Variants in APTX observed in about 807,000 individuals in gnomAD.
APTX encodes forkhead-associated domain histidine triad-like protein.
A neutral mutation model predicts 42.3 loss-of-function variants in APTX; 33 were observed. That is an observed-to-expected ratio of 0.78 (90% CI 0.59 to 1.04). The LOEUF (loss-of-function observed/expected upper bound fraction) is 1.04, where lower values mean the gene tolerates loss of function less well. APTX is among the 50% of genes least tolerant of loss of function. The pLI, the probability that APTX is intolerant of heterozygous loss-of-function variation, is 0.00. For synonymous variants in APTX, 130 were observed against 146.7 expected (o/e 0.89, Z 0.82); for missense variants, 421 against 415.1 (o/e 1.01, Z -0.12).
chr9:32,989,712 C>CT (rs1257476792), intron 2 of APTX, 47 bp downstream of exon 2: 1 of 1,612,864 alleles, frequency 6.2e-7, no homozygotes, highest in Non-Finnish European at 8.5e-7. Flanking sequence ...TTGGTTATCA[C>CT]TATCCCACAT....
At chr9:33,024,460 G>C (rs929396838) in intron 1 of APTX, among the ~76,000 whole-genome samples, 2 of 152,180 alleles carry the variant, frequency 1.3e-5, no homozygotes, top group African/African-American at 4.8e-5. Flanking sequence ...TCCCTGACCC[G>C]TAGGATTTAA....
intron 6 of APTX, among the ~76,000 whole-genome samples, chr9:32,983,640 TA>T (rs899863047): frequency 1.3e-5 from 2 of 150,998 alleles, no homozygotes; most frequent in African/African-American, 4.9e-5. Context: ...TGTTGGTAGT[TA>T]AAAAAAAATA....
chr9:33,024,193 AATCGAGACGGGGTTTC>A (rs1247756452), intron 1 of APTX, among the ~76,000 whole-genome samples: 1 of 152,198 alleles, frequency 6.6e-6, no homozygotes, highest in African/African-American at 2.4e-5. Flanking sequence ...TTTTGTTTTA[AATCGAGACGGGGTTTC>A]ACCATGTTGC....
At chr9:33,022,985 C>T (rs1838512013) in intron 1 of APTX, among the ~76,000 whole-genome samples, 1 of 152,074 alleles carries the variant, frequency 6.6e-6, no homozygotes, top group Non-Finnish European at 1.5e-5. Context: ...TACAGGCCCA[C>T]ACCACCACAC....
chr9:32,988,684 A>G (rs1563969884), intron 2 of APTX, among the ~76,000 whole-genome samples: 1 of 13,240 alleles, frequency 7.6e-5, no homozygotes, highest in African/African-American at 1.4e-4. Flanking sequence ...CTATCTCAGG[A>G]GGAAAAAAAA....
chr9:32,995,714 A>C (rs111749937), intron 1 of APTX, among the ~76,000 whole-genome samples: 10,858 of 151,928 alleles, frequency 0.071, 516 homozygotes, highest in Non-Finnish European at 0.11. Context: ...GGTGAAACCC[A>C]GTCTCTACTA....
chr9:32,982,124 G>T (rs1587412741), intron 6 of APTX, among the ~76,000 whole-genome samples: 2 of 151,964 alleles, frequency 1.3e-5, no homozygotes, highest in South Asian at 4.1e-4. Context: ...TATTGAGAAG[G>T]ACACAATCAG....
intron 1 of APTX, among the ~76,000 whole-genome samples, chr9:33,011,103 A>G (rs1245335466): frequency 6.6e-6 from 1 of 151,672 alleles, no homozygotes; most frequent in Non-Finnish European, 1.5e-5. Context: ...AGATCGTGCC[A>G]CTGCACTACA....
intron 1 of APTX, among the ~76,000 whole-genome samples, chr9:32,997,018 T>A (rs552002327): frequency 1.3e-5 from 2 of 152,364 alleles, no homozygotes; most frequent in South Asian, 4.1e-4. Context: ...ATAAGTAACA[T>A]GTTCAAGTCA....
chr9:32,986,971 C>T (rs548676743), intron 4 of APTX, among the ~76,000 whole-genome samples: 1 of 152,002 alleles, frequency 6.6e-6, no homozygotes, highest in Non-Finnish European at 1.5e-5. Flanking sequence ...TACCACCAGG[C>T]CCAGCTAATT....
chr9:33,009,371 C>G (rs778840570), intron 1 of APTX, among the ~76,000 whole-genome samples: 1 of 152,154 alleles, frequency 6.6e-6, no homozygotes, highest in Non-Finnish European at 1.5e-5. Flanking sequence ...GAACTTCCTA[C>G]CCTTTCCCCC....
At chr9:33,011,784 G>T (rs1324335317) in intron 1 of APTX, among the ~76,000 whole-genome samples, 1 of 152,116 alleles carries the variant, frequency 6.6e-6, no homozygotes, top group Non-Finnish European at 1.5e-5. Context: ...GGAGCTTTCA[G>T]TCTACTGAGG....
intron 1 of APTX, among the ~76,000 whole-genome samples, chr9:33,007,802 C>T (rs1837265829): frequency 6.6e-6 from 1 of 151,870 alleles, no homozygotes. Context: ...GTTTTCTCAC[C>T]CCTAGGGTGA....
chr9:33,005,659 T>G (rs1243858417), upstream of APTX, among the ~76,000 whole-genome samples: 1 of 152,026 alleles, frequency 6.6e-6, no homozygotes, highest in Non-Finnish European at 1.5e-5. Context: ...GATCTTGAAC[T>G]CCTGGGCTCA....
intron 1 of APTX, among the ~76,000 whole-genome samples, chr9:33,013,429 G>A (rs771807523): frequency 6.6e-6 from 1 of 152,098 alleles, no homozygotes; most frequent in Non-Finnish European, 1.5e-5. Flanking sequence ...AAAGAAAAAG[G>A]TAAAGTTACA....
At chr9:32,973,782 A>C in intron 7 of APTX, 130 bp from the exon 8 acceptor site, 1 of 1,254,358 alleles carries the variant, frequency 8.0e-7, no homozygotes, top group Middle Eastern at 2.0e-4. Context: ...ACAGCTCCGT[A>C]AGCTTAGTTT....
At chr9:33,013,477 C>T (rs1435998001) in intron 1 of APTX, among the ~76,000 whole-genome samples, 2 of 152,198 alleles carry the variant, frequency 1.3e-5, no homozygotes, top group African/African-American at 2.4e-5. Flanking sequence ...AACTTCTTCA[C>T]GATGAAGACA....
At chr9:32,982,084 C>T (rs995106620) in intron 6 of APTX, among the ~76,000 whole-genome samples, 3 of 151,616 alleles carry the variant, frequency 2.0e-5, no homozygotes, top group Non-Finnish European at 4.4e-5. Context: ...AGTAATAAAC[C>T]ATCTCAACAT....
intron 1 of APTX, chr9:33,025,004 C>G (rs577471884): frequency 1.3e-5 from 2 of 152,574 alleles, no homozygotes; most frequent in Non-Finnish European, 2.9e-5. Flanking sequence ...ACTTGCAGTG[C>G]TCCTGGGCCA....
Sources: allele counts gnomAD v4.1 joint callset (sites outside exome capture counted in the v4.1 genomes callset), GRCh38; gene constraint gnomAD v4.1.1; transcripts MANE v1.5; gene names NCBI Gene and HGNC (gene_info 2026-07-23, HGNC 2026-07-21).